Variants in CRIM1 observed in about 807,000 individuals in gnomAD.
The protein encoded by CRIM1 is cysteine-rich motor neuron 1 protein.
In CRIM1, 32 loss-of-function variants were observed where a neutral mutation model predicts 116.4. That is an observed-to-expected ratio of 0.27 (90% CI 0.21 to 0.37). The LOEUF (loss-of-function observed/expected upper bound fraction) is 0.37. Among genes scored for constraint, CRIM1 ranks in the 10% least tolerant of loss-of-function variants. The pLI is 1.00. For missense variants in CRIM1, 1,331 were observed against 1,354.8 expected, an observed-to-expected ratio of 0.98 and a Z score of 0.28; for synonymous variants, 590 against 509.2, an observed-to-expected ratio of 1.16 and a Z score of -2.13.
At chr2:36,530,038 T>G (rs1225862712) in intron 13 of CRIM1, among the ~76,000 whole-genome samples, 1 of 152,230 alleles carries the variant, frequency 6.6e-6, no homozygotes, top group Non-Finnish European at 1.5e-5. Context: ...GATCAGATTT[T>G]TTTTTATTGG....
intron 4 of CRIM1, 140 bp downstream of exon 4, chr2:36,442,875 A>G (rs1675967205): frequency 1.0e-6 from 1 of 960,242 alleles, no homozygotes; most frequent in East Asian, 2.4e-5. Context: ...AACTGTTTGC[A>G]TTACTTGGTA....
rs960148087 is a variant in CRIM1 at position 36,355,839 on chromosome 2, C to G, written c.-454C>G. ...GCGGATCTTGTGCTGCGCCACCGCGCCCACTCGGCAGCTCGGGAGGCGGGG... is the reference window on the plus strand; with the variant it reads ...GCGGATCTTGTGCTGCGCCACCGCGGCCACTCGGCAGCTCGGGAGGCGGGG... On this transcript the variant is annotated 5_prime_UTR_variant, in exon 1 of 17. Transcript: ENST00000280527. The G allele has an allele frequency of 5.3e-5, 8 of 151,598 alleles. No individual in the cohort carries two copies. Among genetic ancestry groups the G allele is most frequent in the African/African-American group, 9.7e-5 (4 of 41,378 alleles). The allele number at this position is 151,598 out of a possible 1,614,324, so 9.4% of individuals were successfully genotyped here. A position where few individuals can be genotyped will look rare whatever the true frequency, so the allele number is the denominator to read the frequency against.
chr2:36,479,759 G>A (rs879239765), intron 7 of CRIM1, 65 bp downstream of exon 7: 52 of 1,481,388 alleles, frequency 3.5e-5, no homozygotes, highest in Middle Eastern at 3.5e-4. Context: ...TTCTACCAGC[G>A]TACGTTCTTG....
intron 8 of CRIM1, among the ~76,000 whole-genome samples, chr2:36,504,349 G>A (rs1381652220): frequency 1.3e-5 from 2 of 152,106 alleles, no homozygotes; most frequent in African/African-American, 4.8e-5. Flanking sequence ...TAATTTGTTG[G>A]TAATATTAGT....
intron 13 of CRIM1, among the ~76,000 whole-genome samples, chr2:36,532,614 T>A (rs369781539): frequency 1.5e-4 from 22 of 151,662 alleles, no homozygotes; most frequent in African/African-American, 5.3e-4. Context: ...GTGGCACTGA[T>A]TGATCCTTGT....
chr2:36,542,190 C>T (rs749217365), intron 14 of CRIM1, among the ~76,000 whole-genome samples: 6 of 152,152 alleles, frequency 3.9e-5, no homozygotes, highest in Non-Finnish European at 5.9e-5. Flanking sequence ...GGCTGTCAGG[C>T]ATCACTCATC....
intron 5 of CRIM1, among the ~76,000 whole-genome samples, chr2:36,470,354 A>T (rs974835886): frequency 2.0e-5 from 3 of 152,220 alleles, no homozygotes; most frequent in African/African-American, 4.8e-5. Flanking sequence ...AACAACAGAT[A>T]TTCAGTGTAG....
At chr2:36,476,599 A>C (rs1160969857) in intron 5 of CRIM1, among the ~76,000 whole-genome samples, 1 of 152,176 alleles carries the variant, frequency 6.6e-6, no homozygotes, top group Non-Finnish European at 1.5e-5. Context: ...CAGATATGTG[A>C]GTGTCATGGT....
chr2:36,441,936 A>T (rs1675862975), intron 3 of CRIM1, among the ~76,000 whole-genome samples: 1 of 152,216 alleles, frequency 6.6e-6, no homozygotes, highest in Admixed American at 6.5e-5. Context: ...CATGCATCAA[A>T]ACGCCAGAAG....
chr2:36,377,672 A>G (rs987718792), intron 1 of CRIM1, among the ~76,000 whole-genome samples: 7 of 152,208 alleles, frequency 4.6e-5, no homozygotes, highest in Non-Finnish European at 1.0e-4. Flanking sequence ...GTACATTGTC[A>G]TTGTATCTTT....
At chr2:36,451,640 A>G (rs1676733406) in intron 4 of CRIM1, among the ~76,000 whole-genome samples, 1 of 152,200 alleles carries the variant, frequency 6.6e-6, no homozygotes, top group Admixed American at 6.5e-5. Flanking sequence ...CTTCCGTGGT[A>G]GAGCTTTCCA....
chr2:36,504,126 G>C (rs563604433), intron 8 of CRIM1, among the ~76,000 whole-genome samples: 1 of 152,156 alleles, frequency 6.6e-6, no homozygotes, highest in African/African-American at 2.4e-5. Flanking sequence ...TGCCCGACTC[G>C]ATCTCCTAAA....
intron 7 of CRIM1, among the ~76,000 whole-genome samples, chr2:36,483,584 G>C (rs1385712992): frequency 6.6e-6 from 1 of 152,166 alleles, no homozygotes; most frequent in Non-Finnish European, 1.5e-5. Context: ...CCAGACCCTG[G>C]ACCCTGAATG....
At chr2:36,392,732 A>C (rs980594535) in intron 1 of CRIM1, among the ~76,000 whole-genome samples, 1 of 152,190 alleles carries the variant, frequency 6.6e-6, no homozygotes, top group African/African-American at 2.4e-5. Context: ...AGCATGTTGT[A>C]CTTGATCCTA....
chr2:36,454,849 C>A (rs887321296), intron 4 of CRIM1, among the ~76,000 whole-genome samples: 2 of 152,032 alleles, frequency 1.3e-5, no homozygotes, highest in Admixed American at 6.6e-5. Flanking sequence ...TTCTAGGATT[C>A]CTGCCTGATT....
chr2:36,441,570 C>G, intron 3 of CRIM1, 70 bp downstream of exon 3: 1 of 1,558,938 alleles, frequency 6.4e-7, no homozygotes, highest in Middle Eastern at 1.8e-4. Context: ...TCCTCAGCCA[C>G]CCCTGGCCTC....
chr2:36,481,365 T>G (rs1025233361), intron 7 of CRIM1, among the ~76,000 whole-genome samples: 11 of 152,192 alleles, frequency 7.2e-5, no homozygotes, highest in African/African-American at 2.7e-4. Flanking sequence ...TGTGGTCACT[T>G]AGAATTTGGT....
chr2:36,385,326 G>C (rs1671094610), intron 1 of CRIM1, among the ~76,000 whole-genome samples: 1 of 152,194 alleles, frequency 6.6e-6, no homozygotes, highest in Non-Finnish European at 1.5e-5. Context: ...ATGATTGCTA[G>C]CTGATTTCAC....
rs1672050104 is a variant in CRIM1 at position 36,396,664 on chromosome 2, A to T, written c.382A>T (p.Asn128Tyr). 6.2e-7 allele frequency: 1 copy of T among 1,612,816 alleles called. No homozygotes were observed. Among genetic ancestry groups the T allele is most frequent in the African/African-American group, 1.3e-5 (1 of 74,902 alleles). The change falls in exon 2 of 17, where the codon AAC (asparagine) becomes TAC (tyrosine). Residue 128 changes from asparagine (N) to tyrosine (Y), a missense_variant. By Grantham distance (143) the Asn-to-Tyr change is moderately radical. Transcript: ENST00000280527. The stretch of plus-strand genomic sequence containing the variant: ...GCTTGGTTTTAAACCATGCAATGAA[A>T]ACCTTATTGCTGGCTGCAATATAAT... The part of the protein sequence containing the change: ...QLLGFKPCNE[N>Y]LIAGCNIING...
Sources: allele counts gnomAD v4.1 joint callset (sites outside exome capture counted in the v4.1 genomes callset), GRCh38; gene constraint gnomAD v4.1.1; transcripts MANE v1.5; gene names NCBI Gene and HGNC (gene_info 2026-07-23, HGNC 2026-07-21).